RAB34: variants seen among roughly 807,000 people sequenced by gnomAD.
RAB34 encodes the protein ras-related protein Rab-34.
RAB34 carries 33 observed loss-of-function variants against 39.0 expected under a neutral mutation model. The observed-to-expected ratio is 0.85, with a 90% CI of 0.64 to 1.13. The LOEUF (loss-of-function observed/expected upper bound fraction) is 1.13. RAB34 is among the 50% of genes most tolerant of loss of function. RAB34 has a pLI of 0.00. For synonymous variants in RAB34, 135 were observed against 125.1 expected (o/e 1.08, Z -0.53); for missense variants, 289 against 326.1 (o/e 0.89, Z 0.88).
intron 6 of RAB34, 58 bp from the exon 7 acceptor site, chr17:28,715,334 C>G (rs375942684): frequency 6.3e-7 from 1 of 1,586,042 alleles, no homozygotes; most frequent in East Asian, 2.2e-5. Context: ...CTCCCACTGA[C>G]ATTCATAGGC....
At chr17:28,718,193 G>T (rs776379172), upstream of RAB34, 1 of 1,605,864 alleles carries the variant, frequency 6.2e-7, no homozygotes, top group Non-Finnish European at 8.5e-7. Context: ...CAGCAGGGAG[G>T]GGAAAGGGGG....
rs1567724123 is a variant in RAB34, at chr17:28,714,293, C to T, written c.*350G>A. The T allele has an allele frequency of 1.9e-6, 1 of 537,186 alleles. No homozygotes were observed. 33.3% of individuals were successfully genotyped at this position (537,186 alleles called of 1,614,324 possible). A position where few individuals can be genotyped will look rare whatever the true frequency, so the allele number is the denominator to read the frequency against. Reference sequence around the variant, plus strand: ...AACTCCAGCCCCAAAGTGCTCGTAACAAAGAAATTTTAATGCATAAGGCAC... The same window carrying T: ...AACTCCAGCCCCAAAGTGCTCGTAATAAAGAAATTTTAATGCATAAGGCAC... On this transcript the variant is annotated 3_prime_UTR_variant, in exon 10 of 10. Transcript: ENST00000395245.
chr17:28,716,765 A>G, intron 2 of RAB34, 138 bp downstream of exon 2: 1 of 989,424 alleles, frequency 1.0e-6, no homozygotes, highest in Non-Finnish European at 1.4e-6. Flanking sequence ...GAGGGGATAC[A>G]GGGGCTTAAA....
chr17:28,714,621 C>T lies in RAB34; in HGVS notation c.*22G>A. 6.2e-7 allele frequency: 1 copy of T among 1,614,124 alleles called. No homozygotes were observed. Among genetic ancestry groups the T allele is most frequent in the Admixed American group, 1.7e-5 (1 of 60,030 alleles). On this transcript the variant is annotated 3_prime_UTR_variant, in exon 10 of 10. Transcript: ENST00000395245. ...GCACAGTGCCCTAGGGCTGGGCAGT[C>T]TCTGAACAGTCTCCTCAGCCCTCAT...
upstream of RAB34, chr17:28,718,267 T>C (rs750640001): frequency 1.7e-5 from 26 of 1,547,108 alleles, no homozygotes; most frequent in Admixed American, 7.9e-5. Flanking sequence ...AGGTGACTCA[T>C]AGAGTCTGCC....
At chr17:28,715,945 G>C in intron 3 of RAB34, 44 bp from the exon 4 acceptor site, 3 of 1,612,970 alleles carry the variant, frequency 1.9e-6, no homozygotes, top group Non-Finnish European at 2.5e-6. Flanking sequence ...AGCCCACCTG[G>C]CTAGGCTTGG....
At chr17:28,716,235 C>T (rs1390585194) in intron 2 of RAB34, 177 bp from the exon 3 acceptor site, 4 of 747,666 alleles carry the variant, frequency 5.3e-6, no homozygotes, top group Non-Finnish European at 8.5e-6. Flanking sequence ...GTGTTTTGTG[C>T]TCCAGAAGCA....
intron 2 of RAB34, 178 bp downstream of exon 2, chr17:28,716,725 G>T: frequency 1.5e-6 from 1 of 682,324 alleles, no homozygotes; most frequent in Non-Finnish European, 2.3e-6. Flanking sequence ...CCATCTCATA[G>T]AACTCACAAC....
At chr17:28,716,735 C>T in intron 2 of RAB34, 168 bp downstream of exon 2, 1 of 772,724 alleles carries the variant, frequency 1.3e-6, no homozygotes, top group Non-Finnish European at 1.9e-6. Context: ...GAACTCACAA[C>T]AACCTTGTTG....
rs905720209 is a variant in RAB34 at position 28,715,442 on chromosome 17, G to A, written c.431+14C>T. ...TCCCGGAGCCTCCCATTATATTGCA[G>A]GATGCTCACTTACTTGGTATGTTCC... On this transcript the variant is annotated intron_variant, in intron 6 of 9. Transcript: ENST00000395245. 15 of 1,613,612 alleles carry A rather than the reference G, an allele frequency of 9.3e-6. No individual in the cohort carries two copies. The highest frequency in any genetic ancestry group is 1.0e-5 in the Non-Finnish European group (12 of 1,179,944).
chr17:28,717,289 G>T lies in RAB34; in HGVS notation c.-23C>A. On this transcript the variant is annotated 5_prime_UTR_variant, in exon 1 of 10. Transcript: ENST00000395245. ...CATCCTGCCTGCGGCCTTGCAGGGC[G>T]CCCTGAGAAGGCGCCGAGGCCGGAT... 1.3e-6 allele frequency: 2 copies of T among 1,587,080 alleles called. No homozygotes were observed. Among genetic ancestry groups the T allele is most frequent in the Non-Finnish European group, 8.5e-7 (1 of 1,170,194 alleles).
intron 6 of RAB34, 27 bp from the exon 7 acceptor site, chr17:28,715,303 ATGAG>A (rs1232107206): frequency 1.2e-6 from 2 of 1,607,192 alleles, no homozygotes; most frequent in Admixed American, 1.7e-5. Context: ...AAAGTAAGGG[ATGAG>A]TGAGTCTGCA....
Position 28,715,816 on chromosome 17 carries a change from G to C in RAB34, c.298C>G (p.Pro100Ala), listed in dbSNP as rs776896962. The change falls in exon 4 of 10, where the codon CCC (proline) becomes GCC (alanine). Residue 100 changes from proline to alanine, a missense_variant. Pro to Ala is a conservative substitution (Grantham distance 27). Coordinates refer to ENST00000395245, the MANE Select transcript of RAB34 (RefSeq NM_031934.6). ...AGCACTCACAGCTGCAAACTGAAGG[G>C]AATGCCCAGCACCTCAAATCGTTCC... The part of the protein sequence containing the change: ...EMERFEVLGI[P>A]FSLQLWDTAG... The C allele has an allele frequency of 7.4e-6, 12 of 1,613,924 alleles. 1 individual carries two copies. The South Asian group carries it at 1.3e-4, about 18-fold the overall frequency.
In RAB34 at chr17:28,714,874, GGAA is replaced by G. The variant is rs764081799; in HGVS notation, c.628_630del (p.Phe210del). 7 of 1,614,074 alleles carry G rather than the reference GGAA, an allele frequency of 4.3e-6. No homozygotes were observed. The highest frequency in any genetic ancestry group is 2.2e-5 in the South Asian group (2 of 91,078). On this transcript the variant is annotated inframe_deletion, in exon 9 of 10. Coordinates refer to ENST00000395245, the MANE Select transcript of RAB34 (RefSeq NM_031934.6). ...GCCTCAAAGGTCAGTGCTGCCACACGGAAGAAGAATTCTCGGACATTCTCACCT... is the reference window on the plus strand; with the variant it reads ...GCCTCAAAGGTCAGTGCTGCCACACGGAAGAATTCTCGGACATTCTCACCT...
In RAB34 at chr17:28,717,749, G is replaced by A. The variant is rs2033785550; in HGVS notation, c.-483C>T. 1 of 1,332,836 alleles carries A rather than the reference G, an allele frequency of 7.5e-7. No individual in the cohort carries two copies. Among genetic ancestry groups the A allele is most frequent in the Non-Finnish European group, 9.5e-7 (1 of 1,047,326 alleles). 82.6% of individuals were successfully genotyped at this position (1,332,836 alleles called of 1,614,324 possible). On this transcript the variant is annotated 5_prime_UTR_variant, in exon 1 of 10. Coordinates refer to ENST00000395245, the MANE Select transcript of RAB34 (RefSeq NM_031934.6). Reference sequence around the variant, plus strand: ...GGGCGCGGAGCGGCCCCGCCACACGGGGTCAGTGTGGGCAGGGGCGGCGCT... The same window carrying A: ...GGGCGCGGAGCGGCCCCGCCACACGAGGTCAGTGTGGGCAGGGGCGGCGCT...
chr17:28,717,108 C>A, intron 1 of RAB34, 105 bp downstream of exon 1: 1 of 1,542,358 alleles, frequency 6.5e-7, no homozygotes. Context: ...CCAGGCCTAG[C>A]TGGGTGGCAG....
upstream of RAB34, chr17:28,717,954 C>A: frequency 8.6e-6 from 11 of 1,272,200 alleles, no homozygotes; most frequent in Non-Finnish European, 1.0e-5. Flanking sequence ...CCCTCGCCAC[C>A]CCCTCCTCTC....
chr17:28,717,910 C>T (rs563894997), upstream of RAB34: 2 of 1,352,134 alleles, frequency 1.5e-6, no homozygotes, highest in Admixed American at 3.8e-5. Flanking sequence ...CCGCCCCCCG[C>T]CCCTCTCCTG....
Position 28,715,334 on chromosome 17 carries a change from C to T in RAB34, c.432-58G>A, listed in dbSNP as rs375942684. On this transcript the variant is annotated intron_variant, in intron 6 of 9. Coordinates refer to ENST00000395245, the MANE Select transcript of RAB34 (RefSeq NM_031934.6). The stretch of plus-strand genomic sequence containing the variant: ...GAGTCTGCAGGGCCCCTCCCACTGA[C>T]ATTCATAGGCCCAATTACCCCCTCT... 3.2e-6 allele frequency: 5 copies of T among 1,585,924 alleles called. No individual in the cohort carries two copies. In the African/African-American group the frequency reaches 6.7e-5, roughly 21 times the overall value.
Sources: allele counts gnomAD v4.1 joint callset, GRCh38; gene constraint gnomAD v4.1.1; transcripts MANE v1.5; gene names NCBI Gene and HGNC (gene_info 2026-07-23, HGNC 2026-07-21).